Variants in PAX3 observed in about 807,000 individuals in gnomAD.
PAX3 encodes the protein paired box protein Pax-3.
Under a neutral mutation model 51.6 loss-of-function variants are expected in PAX3, and 14 were observed. That is an observed-to-expected ratio of 0.27 (90% confidence interval 0.18 to 0.42). The LOEUF (loss-of-function observed/expected upper bound fraction) is 0.42. Among genes scored for constraint, PAX3 ranks in the 10% least tolerant of loss-of-function variants. The pLI is 1.00. For synonymous variants in PAX3, 280 were observed against 253.4 expected (o/e 1.11, Z -1.00); for missense variants, 540 against 642.8 (o/e 0.84, Z 1.73).
intron 4 of PAX3, among the ~76,000 whole-genome samples, chr2:222,260,578 GTTTTTTTTTTTTGTTTTTT>G (rs1693818101): frequency 1.6e-5 from 1 of 61,690 alleles, no homozygotes; most frequent in Non-Finnish European, 3.2e-5. Flanking sequence ...TTTTTTTTTT[GTTTTTTTTTTTTGTTTTTT>G]TTTTTTTTTT....
At chr2:222,281,176 G>T (rs181290045) in intron 4 of PAX3, among the ~76,000 whole-genome samples, 1 of 152,132 alleles carries the variant, frequency 6.6e-6, no homozygotes, top group African/African-American at 2.4e-5. Flanking sequence ...GTCCACCGGG[G>T]GCACCATGAG....
Position 222,200,933 on chromosome 2 carries a change from T to C in PAX3, c.*475A>G. On this transcript the variant is annotated 3_prime_UTR_variant, in exon 9 of 9. Coordinates refer to ENST00000392070, the MANE Select transcript of PAX3 (RefSeq NM_181458.4). ...TTCATGAAATGAGCAGTTTTAAAGT[T>C]GTAGAAGTATCAGCATCGAACATCG... 2 of 564,580 alleles carry C rather than the reference T, an allele frequency of 3.5e-6. No homozygotes were observed. The highest frequency in any genetic ancestry group is 4.2e-5 in the South Asian group (2 of 47,078). 35.0% of individuals were successfully genotyped at this position (564,580 alleles called of 1,614,324 possible).
chr2:222,228,160 T>G (rs1240232041), intron 5 of PAX3, among the ~76,000 whole-genome samples: 1 of 152,144 alleles, frequency 6.6e-6, no homozygotes. Flanking sequence ...CTGGGTTAAG[T>G]AAAAGATCCA....
intron 5 of PAX3, among the ~76,000 whole-genome samples, chr2:222,225,072 G>T (rs1692334899): frequency 6.6e-6 from 1 of 152,074 alleles, no homozygotes; most frequent in Non-Finnish European, 1.5e-5. Flanking sequence ...CATCACACTT[G>T]GCATGTTAAG....
intron 4 of PAX3, among the ~76,000 whole-genome samples, chr2:222,258,857 A>G (rs1693741894): frequency 6.6e-6 from 1 of 152,184 alleles, no homozygotes; most frequent in South Asian, 2.1e-4. Flanking sequence ...AACAACAACA[A>G]AAAGTCTCTT....
chr2:222,282,355 G>A (rs78263461), intron 4 of PAX3, among the ~76,000 whole-genome samples: 5 of 152,128 alleles, frequency 3.3e-5, no homozygotes, highest in African/African-American at 1.2e-4. Flanking sequence ...AGGGAAAATA[G>A]ACTGAAATGA....
chr2:222,280,844 C>A (rs1247273652), intron 4 of PAX3, among the ~76,000 whole-genome samples: 2 of 152,188 alleles, frequency 1.3e-5, no homozygotes, highest in African/African-American at 4.8e-5. Context: ...CCCAGGCATT[C>A]CTCTAACCCC....
chr2:222,287,918 A>G (rs1458572095), intron 4 of PAX3, among the ~76,000 whole-genome samples: 1 of 152,234 alleles, frequency 6.6e-6, no homozygotes, highest in African/African-American at 2.4e-5. Flanking sequence ...GAGCACAAAG[A>G]AAGAGATTCG....
chr2:222,257,060 T>C (rs977853983), intron 4 of PAX3, among the ~76,000 whole-genome samples: 1 of 152,192 alleles, frequency 6.6e-6, no homozygotes, highest in Non-Finnish European at 1.5e-5. Context: ...ATGGGCTCTT[T>C]TATGGTAAGG....
At chr2:222,255,511 G>T (rs1693604813) in intron 4 of PAX3, among the ~76,000 whole-genome samples, 1 of 152,106 alleles carries the variant, frequency 6.6e-6, no homozygotes, top group South Asian at 2.1e-4. Flanking sequence ...TTTAAATAAG[G>T]GCCTCAAAGA....
intron 4 of PAX3, among the ~76,000 whole-genome samples, chr2:222,233,384 A>G (rs1261998455): frequency 6.6e-6 from 1 of 152,120 alleles, no homozygotes; most frequent in African/African-American, 2.4e-5. Context: ...ATGATACAAA[A>G]TGGTTAGTAC....
intron 7 of PAX3, among the ~76,000 whole-genome samples, chr2:222,215,811 A>G (rs1691933033): frequency 6.6e-6 from 1 of 152,160 alleles, no homozygotes; most frequent in Admixed American, 6.6e-5. Context: ...TCCTCACATC[A>G]ACAGAACAGA....
chr2:222,243,699 T>G (rs534551511), intron 4 of PAX3, among the ~76,000 whole-genome samples: 7 of 152,198 alleles, frequency 4.6e-5, no homozygotes, highest in Non-Finnish European at 1.0e-4. Flanking sequence ...CATATGGCAT[T>G]TCAAGATTGT....
chr2:222,294,036 G>T, intron 4 of PAX3, 131 bp downstream of exon 4: 1 of 1,564,286 alleles, frequency 6.4e-7, no homozygotes, highest in Non-Finnish European at 8.6e-7. Flanking sequence ...TCGTTACTCA[G>T]GCGCAGAGAC....
intron 4 of PAX3, among the ~76,000 whole-genome samples, chr2:222,235,332 C>A (rs979073804): frequency 3.3e-5 from 5 of 152,110 alleles, no homozygotes; most frequent in Admixed American, 3.3e-4. Flanking sequence ...AATAAGGACA[C>A]GTTGAATGAA....
intron 1 of PAX3, 69 bp from the exon 2 acceptor site, chr2:222,297,282 G>C: frequency 8.1e-7 from 1 of 1,228,504 alleles, no homozygotes; most frequent in Non-Finnish European, 1.2e-6. Flanking sequence ...AAGAACAGCA[G>C]CACGTAATTT....
chr2:222,253,512 A>G (rs1250331042), intron 4 of PAX3, among the ~76,000 whole-genome samples: 1 of 152,242 alleles, frequency 6.6e-6, no homozygotes, highest in East Asian at 1.9e-4. Context: ...CAAGTTGTCA[A>G]AGATATAACC....
chr2:222,230,590 C>A (rs1417799920), intron 5 of PAX3, among the ~76,000 whole-genome samples: 1 of 152,084 alleles, frequency 6.6e-6, no homozygotes, highest in Non-Finnish European at 1.5e-5. Context: ...GGCATGGTGG[C>A]TCATACCTGT....
intron 5 of PAX3, among the ~76,000 whole-genome samples, chr2:222,228,880 A>C (rs1692479182): frequency 6.6e-6 from 1 of 152,170 alleles, no homozygotes; most frequent in East Asian, 1.9e-4. Context: ...TCGAGGCTAC[A>C]CAGTGAGCCA....
Sources: allele counts gnomAD v4.1 joint callset (sites outside exome capture counted in the v4.1 genomes callset), GRCh38; gene constraint gnomAD v4.1.1; transcripts MANE v1.5; gene names NCBI Gene and HGNC (gene_info 2026-07-23, HGNC 2026-07-21).